Variants in LPP observed in about 807,000 individuals in gnomAD.
The protein encoded by LPP is LIM domain containing preferred translocation partner in lipoma, also known as lipoma-preferred partner.
A neutral mutation model predicts 60.4 loss-of-function variants in LPP; 38 were observed. The observed-to-expected ratio is 0.63, with a 90% CI of 0.49 to 0.83. LPP has a LOEUF of 0.83. Among genes scored for constraint, LPP ranks in the 40% least tolerant of loss-of-function variants. The probability of loss-of-function intolerance (pLI) is 0.00; values close to 1 mark genes in which losing one functional copy is unlikely to be tolerated. For synonymous variants in LPP, 328 were observed against 290.8 expected, an observed-to-expected ratio of 1.13 and a Z score of -1.30; for missense variants, 902 against 783.6, an observed-to-expected ratio of 1.15 and a Z score of -1.80.
At chr3:188,772,207 C>G (rs529474365) in intron 9 of LPP, among the ~76,000 whole-genome samples, 8 of 152,184 alleles carry the variant, frequency 5.3e-5, no homozygotes, top group Non-Finnish European at 8.8e-5. Flanking sequence ...AAGGTGAGGA[C>G]TCTTCTCCTG....
chr3:188,225,541 A>G lies in LPP; in HGVS notation c.-67+14A>G, dbSNP rs1326762350. ...TTTCCTCAATTGGTGAGTCCCGCAC[A>G]CAAAAAGAACACATTTGCCTTTTAA... On this transcript the variant is annotated intron_variant, in intron 2 of 11. Transcript: ENST00000617246. 1 of 152,238 alleles carries G rather than the reference A, an allele frequency of 6.6e-6. No individual in the cohort carries two copies. The highest frequency in any genetic ancestry group is 1.5e-5 in the Non-Finnish European group (1 of 68,042). The allele number at this position is 152,238 out of a possible 1,614,324, so 9.4% of individuals were successfully genotyped here.
chr3:188,717,038 G>A (rs530193500), intron 8 of LPP, among the ~76,000 whole-genome samples: 1 of 152,296 alleles, frequency 6.6e-6, no homozygotes, highest in East Asian at 1.9e-4. Flanking sequence ...TAGACAGTGT[G>A]TTTATTTCCA....
intron 2 of LPP, among the ~76,000 whole-genome samples, chr3:188,245,238 A>G (rs1004375151): frequency 6.6e-6 from 1 of 151,708 alleles, no homozygotes; most frequent in Non-Finnish European, 1.5e-5. Context: ...TCAGCCTCCC[A>G]AGTAGCTGGG....
intron 4 of LPP, among the ~76,000 whole-genome samples, chr3:188,428,068 T>A (rs1789906065): frequency 6.6e-6 from 1 of 152,078 alleles, no homozygotes; most frequent in Non-Finnish European, 1.5e-5. Context: ...AATCTCCTGG[T>A]CTGTGGGTTG....
At chr3:188,207,644 A>G (rs1018864210) in intron 1 of LPP, among the ~76,000 whole-genome samples, 5 of 137,140 alleles carry the variant, frequency 3.6e-5, no homozygotes, top group African/African-American at 1.1e-4. Context: ...TTTTTTAAAG[A>G]TGGGAATCTC....
chr3:188,393,377 C>A (rs1382254649), intron 3 of LPP, among the ~76,000 whole-genome samples: 3 of 152,066 alleles, frequency 2.0e-5, no homozygotes, highest in African/African-American at 7.2e-5. Flanking sequence ...CTCTACTTCC[C>A]GTTGCTAATT....
chr3:188,577,580 A>G (rs1834917775), intron 6 of LPP, among the ~76,000 whole-genome samples: 1 of 151,108 alleles, frequency 6.6e-6, no homozygotes, highest in Non-Finnish European at 1.5e-5. Context: ...ATATATTTTA[A>G]TAAATTTATA....
chr3:188,398,296 C>G (rs1781437190), intron 3 of LPP, among the ~76,000 whole-genome samples: 1 of 152,178 alleles, frequency 6.6e-6, no homozygotes, highest in South Asian at 2.1e-4. Flanking sequence ...GGAAGGGTCA[C>G]TGAGGTTCAA....
At chr3:188,260,653 G>A (rs1318858524) in intron 2 of LPP, among the ~76,000 whole-genome samples, 1 of 152,096 alleles carries the variant, frequency 6.6e-6, no homozygotes, top group Non-Finnish European at 1.5e-5. Flanking sequence ...CTTGGTTGTT[G>A]TTTTTTAAGG....
intron 2 of LPP, among the ~76,000 whole-genome samples, chr3:188,297,075 A>G (rs1253726817): frequency 6.6e-6 from 1 of 152,244 alleles, no homozygotes; most frequent in Non-Finnish European, 1.5e-5. Flanking sequence ...ATGGTAGGAC[A>G]GGGCCACAAT....
intron 2 of LPP, among the ~76,000 whole-genome samples, chr3:188,320,326 A>T (rs1387650900): frequency 1.3e-5 from 2 of 152,232 alleles, no homozygotes; most frequent in Non-Finnish European, 2.9e-5. Context: ...CTCAAAGTTC[A>T]ATTAGAAAAT....
intron 6 of LPP, among the ~76,000 whole-genome samples, chr3:188,528,502 A>G (rs1202385281): frequency 6.6e-6 from 1 of 152,038 alleles, no homozygotes; most frequent in Non-Finnish European, 1.5e-5. Flanking sequence ...AAACCATTGC[A>G]TTTTAATAGG....
rs1343169845 is a variant in LPP, at chr3:188,156,669, A to G, written c.-190+2417A>G. Among the ~76,000 whole-genome samples, 4 of 152,256 alleles carry G rather than the reference A, an allele frequency of 2.6e-5. No individual in the cohort carries two copies. In the South Asian group the frequency reaches 6.2e-4, roughly 24 times the overall value. ...GCCAACATCGTGAAACCCCGTCTCT[A>G]CTAAAAATACAAAAATTAGCCGGGT... On this transcript the variant is annotated intron_variant, in intron 1 of 11. Transcript: ENST00000617246.
intron 8 of LPP, among the ~76,000 whole-genome samples, chr3:188,745,928 G>A (rs754920047): frequency 1.3e-5 from 2 of 152,162 alleles, no homozygotes; most frequent in Non-Finnish European, 1.5e-5. Flanking sequence ...AGGTTACACA[G>A]CTATACATGG....
intron 9 of LPP, among the ~76,000 whole-genome samples, chr3:188,856,164 T>A (rs1459032660): frequency 6.6e-6 from 1 of 152,190 alleles, no homozygotes; most frequent in Non-Finnish European, 1.5e-5. Context: ...GACAGAGAAC[T>A]GTATGAGACT....
intron 4 of LPP, among the ~76,000 whole-genome samples, chr3:188,453,157 G>T (rs987666077): frequency 6.6e-6 from 1 of 151,888 alleles, no homozygotes; most frequent in Non-Finnish European, 1.5e-5. Flanking sequence ...CCTTCCTTAG[G>T]TTCCGGATTC....
chr3:188,694,193 G>T (rs149038499), intron 7 of LPP, among the ~76,000 whole-genome samples: 3 of 152,172 alleles, frequency 2.0e-5, no homozygotes, highest in Non-Finnish European at 2.9e-5. Flanking sequence ...TTTTCAGTTT[G>T]GTCACTGGAA....
chr3:188,715,406 A>AAAAG (rs397875737), intron 8 of LPP, among the ~76,000 whole-genome samples: 45 of 139,794 alleles, frequency 3.2e-4, no homozygotes, highest in African/African-American at 1.1e-3. Context: ...AAAAAAAAAA[A>AAAAG]GGAACATGGG....
At chr3:188,643,412 C>T (rs1372348085) in intron 7 of LPP, among the ~76,000 whole-genome samples, 3 of 152,166 alleles carry the variant, frequency 2.0e-5, no homozygotes, top group African/African-American at 7.2e-5. Context: ...AAAGATTCAT[C>T]AGCTGGGAAT....
Sources: allele counts gnomAD v4.1 joint callset (sites outside exome capture counted in the v4.1 genomes callset), GRCh38; gene constraint gnomAD v4.1.1; transcripts MANE v1.5; gene names NCBI Gene and HGNC (gene_info 2026-07-23, HGNC 2026-07-21).